WAC: variants seen among roughly 807,000 people sequenced by gnomAD.
The protein encoded by WAC is WW domain-containing adapter protein with coiled-coil.
In WAC, 11 loss-of-function variants were observed where a neutral mutation model predicts 79.6. The ratio of observed to expected loss-of-function variants is 0.14; its 90% CI spans 0.09 to 0.23. WAC has a LOEUF of 0.23. Ranked by LOEUF, WAC falls within the 10% of genes least tolerant of loss-of-function variation. The pLI is 1.00. For synonymous variants in WAC, 304 were observed against 276.9 expected (o/e 1.10, Z -0.97); for missense variants, 728 against 773.5 (o/e 0.94, Z 0.70).
chr10:28,589,910 A>G (rs1840002312), intron 5 of WAC, 59 bp downstream of exon 5: 4 of 1,225,556 alleles, frequency 3.3e-6, no homozygotes, highest in East Asian at 2.4e-5. Context: ...ACTGGTTAAC[A>G]TCTTACAGCA....
intron 10 of WAC, 85 bp from the exon 11 acceptor site, chr10:28,614,482 C>A: frequency 4.3e-6 from 2 of 467,894 alleles, no homozygotes; most frequent in Non-Finnish European, 6.8e-6. Flanking sequence ...CCACATTTTA[C>A]ATGTTTCAAG....
rs144543587 is a variant in WAC, at chr10:28,567,610, A to G, written c.275-15789A>G. 2.7e-3 allele frequency among the ~76,000 whole-genome samples: 416 copies of G among 152,274 alleles called. 2 individuals are homozygous for G. Among genetic ancestry groups the G allele is most frequent in the African/African-American group, 9.5e-3 (394 of 41,548 alleles). On this transcript the variant is annotated intron_variant, in intron 3 of 13. Coordinates refer to ENST00000354911, the MANE Select transcript of WAC (RefSeq NM_016628.5). ...CTCCCTTCTGACAATTCTCTACATC[A>G]CTGGGCCAAAAAAAGGCAGTTTATT...
At chr10:28,577,007 A>G (rs1236807564) in intron 3 of WAC, among the ~76,000 whole-genome samples, 2 of 152,214 alleles carry the variant, frequency 1.3e-5, no homozygotes, top group African/African-American at 2.4e-5. Flanking sequence ...TCAAGTGCTT[A>G]GTAGCTATGT....
At chr10:28,604,928 A>ACTAC (rs1384994566) in intron 7 of WAC, among the ~76,000 whole-genome samples, 1 of 152,212 alleles carries the variant, frequency 6.6e-6, no homozygotes, top group Non-Finnish European at 1.5e-5. Flanking sequence ...TAAAACTAAA[A>ACTAC]CTACCTCTCA....
chr10:28,621,869 C>T lies in WAC; in HGVS notation c.*2263C>T, dbSNP rs1235380374. ...GGAGAAGATGCCTAATTTGGTATTT[C>T]TTAATAGTGAATTTTTTTTTTTCTT... On this transcript the variant is annotated 3_prime_UTR_variant, in exon 14 of 14. Coordinates refer to ENST00000354911, the MANE Select transcript of WAC (RefSeq NM_016628.5). The T allele has an allele frequency of 6.6e-6, 1 of 152,034 alleles. No individual in the cohort carries two copies. Among genetic ancestry groups the T allele is most frequent in the African/African-American group, 2.4e-5 (1 of 41,400 alleles). 9.4% of individuals were successfully genotyped at this position (152,034 alleles called of 1,614,324 possible). A position where few individuals can be genotyped will look rare whatever the true frequency, so the allele number is the denominator to read the frequency against.
chr10:28,583,554 A>T, intron 4 of WAC, 49 bp downstream of exon 4: 1 of 902,130 alleles, frequency 1.1e-6, no homozygotes. Context: ...ATTTTTTGCA[A>T]AAAAAAAAAA....
intron 3 of WAC, among the ~76,000 whole-genome samples, chr10:28,545,824 T>C (rs991348251): frequency 3.9e-5 from 6 of 152,240 alleles, no homozygotes; most frequent in African/African-American, 1.4e-4. Context: ...GGGTAGTATC[T>C]GGAGCCACTG....
At chr10:28,600,348 C>T (rs1840579749) in intron 7 of WAC, among the ~76,000 whole-genome samples, 1 of 152,038 alleles carries the variant, frequency 6.6e-6, no homozygotes, top group South Asian at 2.1e-4. Flanking sequence ...GACTAAATGA[C>T]AATTGAATGA....
intron 3 of WAC, among the ~76,000 whole-genome samples, chr10:28,542,302 G>A (rs1837097588): frequency 6.6e-6 from 1 of 152,090 alleles, no homozygotes; most frequent in Non-Finnish European, 1.5e-5. Flanking sequence ...TTGTATGAAG[G>A]TGACCTGTTA....
intron 7 of WAC, 115 bp from the exon 8 acceptor site, chr10:28,608,071 G>A: frequency 3.5e-6 from 4 of 1,139,320 alleles, no homozygotes; most frequent in Admixed American, 4.1e-5. Flanking sequence ...CAGTGTGTAA[G>A]GGTTAAATGA....
intron 3 of WAC, among the ~76,000 whole-genome samples, chr10:28,563,024 A>G (rs1013461413): frequency 6.6e-6 from 1 of 152,150 alleles, no homozygotes; most frequent in Non-Finnish European, 1.5e-5. Flanking sequence ...AACTCTTTGG[A>G]GTTAGGTACA....
At chr10:28,534,890 TTA>T (rs1836545924) in intron 2 of WAC, among the ~76,000 whole-genome samples, 2 of 152,252 alleles carry the variant, frequency 1.3e-5, no homozygotes, top group African/African-American at 4.8e-5. Context: ...GCATAGCTGA[TTA>T]CACATTGCAA....
chr10:28,619,732 G>T lies in WAC; in HGVS notation c.*126G>T. 1.5e-6 allele frequency: 1 copy of T among 671,866 alleles called. No homozygotes were observed. Among genetic ancestry groups the T allele is most frequent in the East Asian group, 3.2e-5 (1 of 31,112 alleles). The allele number at this position is 671,866 out of a possible 1,614,324, so 41.6% of individuals were successfully genotyped here. ...AGCTGGGCAAAGGAAATGACAAGGGGACGGGGTCTGTGAGAGTCAATTCAG... is the reference window on the plus strand; with the variant it reads ...AGCTGGGCAAAGGAAATGACAAGGGTACGGGGTCTGTGAGAGTCAATTCAG... On this transcript the variant is annotated 3_prime_UTR_variant, in exon 14 of 14. Transcript: ENST00000354911.
At chr10:28,581,148 A>G (rs1839512153) in intron 3 of WAC, among the ~76,000 whole-genome samples, 1 of 151,042 alleles carries the variant, frequency 6.6e-6, no homozygotes, top group Non-Finnish European at 1.5e-5. Context: ...TTTGCCTTGC[A>G]TGTACCAAAA....
intron 5 of WAC, among the ~76,000 whole-genome samples, 185 bp downstream of exon 5, chr10:28,590,036 C>T (rs1000080134): frequency 1.3e-5 from 2 of 152,114 alleles, no homozygotes; most frequent in African/African-American, 4.8e-5. Context: ...AAACAAAAAA[C>T]CTGGCTGGGT....
At chr10:28,583,056 G>T (rs1188749162) in intron 3 of WAC, among the ~76,000 whole-genome samples, 1 of 152,052 alleles carries the variant, frequency 6.6e-6, no homozygotes, top group African/African-American at 2.4e-5. Flanking sequence ...CCTTTTTTCT[G>T]TGCACATTGT....
At chr10:28,541,420 G>GTTTTTT (rs869099181) in intron 3 of WAC, among the ~76,000 whole-genome samples, 2 of 49,208 alleles carry the variant, frequency 4.1e-5, no homozygotes, top group African/African-American at 1.1e-4. Flanking sequence ...TGTGTGTTTT[G>GTTTTTT]TTTTTTTTTT....
intron 3 of WAC, among the ~76,000 whole-genome samples, chr10:28,541,448 A>G (rs1837041885): frequency 2.8e-5 from 2 of 71,836 alleles, no homozygotes; most frequent in Non-Finnish European, 3.2e-5. Context: ...TTTTTTTTTA[A>G]GACAGTCTCA....
intron 3 of WAC, among the ~76,000 whole-genome samples, chr10:28,571,794 C>T (rs993110959): frequency 2.0e-5 from 3 of 152,158 alleles, no homozygotes; most frequent in African/African-American, 7.2e-5. Flanking sequence ...AGGTACCTGC[C>T]TCTGTTTCTT....
Sources: gnomAD v4.1 joint callset for allele counts (sites outside exome capture counted in the v4.1 genomes callset) on GRCh38, gnomAD v4.1.1 for gene constraint, MANE v1.5 for transcripts, NCBI Gene and HGNC (gene_info 2026-07-23, HGNC 2026-07-21) for gene names.